The following SATB2 variants were observed in gnomAD, a reference collection of about 807,000 sequenced individuals.
The protein encoded by SATB2 is DNA-binding protein SATB2.
A neutral mutation model predicts 73.4 loss-of-function variants in SATB2; 1 was observed. That is an observed-to-expected ratio of 0.01 (90% CI 0.00 to 0.06). The LOEUF (loss-of-function observed/expected upper bound fraction) is 0.06, where lower values mean the gene tolerates loss of function less well. Among genes scored for constraint, SATB2 ranks in the 10% least tolerant of loss-of-function variants. SATB2 has a pLI of 1.00. For synonymous variants in SATB2, 397 were observed against 367.0 expected (o/e 1.08, Z -0.93); for missense variants, 459 against 945.8 (o/e 0.49, Z 6.75).
At chr2:199,399,284 T>G (rs1405033591) in intron 3 of SATB2, among the ~76,000 whole-genome samples, 1 of 152,004 alleles carries the variant, frequency 6.6e-6, no homozygotes, top group Non-Finnish European at 1.5e-5. Context: ...AAAAATAAAA[T>G]TTAATTTAAT....
intron 4 of SATB2, among the ~76,000 whole-genome samples, chr2:199,381,011 A>G (rs1038086977): frequency 1.3e-5 from 2 of 152,182 alleles, no homozygotes; most frequent in African/African-American, 4.8e-5. Flanking sequence ...AATTGCCCAA[A>G]AGGGGAAAAT....
intron 8 of SATB2, among the ~76,000 whole-genome samples, chr2:199,327,119 C>A (rs1032359834): frequency 6.6e-6 from 1 of 152,144 alleles, no homozygotes; most frequent in Non-Finnish European, 1.5e-5. Context: ...TGGTTTTGAA[C>A]CGCCCATTTT....
intron 3 of SATB2, among the ~76,000 whole-genome samples, chr2:199,387,566 C>T (rs190925989): frequency 2.6e-5 from 4 of 152,278 alleles, no homozygotes; most frequent in Middle Eastern, 3.4e-3. Flanking sequence ...TTAGAAAATG[C>T]TTGGTGTTGA....
intron 10 of SATB2, among the ~76,000 whole-genome samples, chr2:199,305,762 G>A (rs1426089335): frequency 6.6e-6 from 1 of 152,010 alleles, no homozygotes; most frequent in Non-Finnish European, 1.5e-5. Flanking sequence ...TTAATCTGGT[G>A]GGTAATTATG....
intron 3 of SATB2, among the ~76,000 whole-genome samples, chr2:199,402,582 G>C (rs12052310): frequency 0.14 from 21,075 of 152,140 alleles, 1,795 homozygotes; most frequent in East Asian, 0.45. Context: ...TAAAATATTT[G>C]ATCCATTATC....
chr2:199,462,122 C>T (rs1692489288), upstream of SATB2, among the ~76,000 whole-genome samples: 1 of 152,188 alleles, frequency 6.6e-6, no homozygotes, highest in Admixed American at 6.5e-5. This position sits in a 1 kb window ranked among gnomAD's most constrained non-coding sequence, Gnocchi z 5.9. Context: ...TTAAAGAGCC[C>T]TGGAAAGTTG....
In SATB2 at chr2:199,329,391, T is replaced by C. The variant is rs140577713; in HGVS notation, c.1174-481A>G. ...AAAAAAAACTGGCTGAATTTCTGTATGACCGGCCACTGTTTTCAATAGAGA... is the reference window on the plus strand; with the variant it reads ...AAAAAAAACTGGCTGAATTTCTGTACGACCGGCCACTGTTTTCAATAGAGA... On this transcript the variant is annotated intron_variant, in intron 7 of 10. Coordinates refer to ENST00000417098, the MANE Select transcript of SATB2 (RefSeq NM_001172509.2). 6.4e-5 allele frequency: 10 copies of C among 156,566 alleles called. No homozygotes were observed. In the East Asian group the frequency reaches 1.6e-3, roughly 25 times the overall value. 9.7% of individuals were successfully genotyped at this position (156,566 alleles called of 1,614,324 possible). A position where few individuals can be genotyped will look rare whatever the true frequency, so the allele number is the denominator to read the frequency against.
At chr2:199,392,782 A>T (rs1158546818) in intron 3 of SATB2, among the ~76,000 whole-genome samples, 2 of 152,212 alleles carry the variant, frequency 1.3e-5, no homozygotes, top group African/African-American at 2.4e-5. Flanking sequence ...GACTCACAAG[A>T]TGGTAATTAC....
rs1427163013 is a variant in SATB2, at chr2:199,270,793, T to C, written c.*1418A>G. On this transcript the variant is annotated 3_prime_UTR_variant, in exon 11 of 11. Transcript: ENST00000417098. ...TAGGTAACTGGGATAATGTTTTCTT[T>C]TAGGATGAGTAAGTGATTCTACTGA... 1 of 152,360 alleles carries C rather than the reference T, an allele frequency of 6.6e-6. No individual in the cohort carries two copies. The highest frequency in any genetic ancestry group is 1.5e-5 in the Non-Finnish European group (1 of 68,034). The allele number at this position is 152,360 out of a possible 1,614,324, so 9.4% of individuals were successfully genotyped here. A position where few individuals can be genotyped will look rare whatever the true frequency, so the allele number is the denominator to read the frequency against.
Position 199,409,650 on chromosome 2 carries a change from GTTTTTTTTGT to G in SATB2, c.346+23678_346+23687del, listed in dbSNP as rs759131316. 7.6e-4 allele frequency among the ~76,000 whole-genome samples: 111 copies of G among 146,680 alleles called. 1 individual carries two copies. Among genetic ancestry groups the G allele is most frequent in the African/African-American group, 2.1e-3 (84 of 39,904 alleles). ...CTTACTTTAAAAAAAACCAAGACAA[GTTTTTTTTGT>G]TTTTTTTTGTTTTTTTTTGTTTTCT... On this transcript the variant is annotated intron_variant, in intron 3 of 10. Coordinates refer to ENST00000417098, the MANE Select transcript of SATB2 (RefSeq NM_001172509.2).
At chr2:199,396,412 T>C (rs1468757231) in intron 3 of SATB2, 2 of 152,172 alleles carry the variant, frequency 1.3e-5, no homozygotes, top group Admixed American at 1.3e-4. Context: ...TATATAAACA[T>C]TCATTCTGGA....
intron 10 of SATB2, among the ~76,000 whole-genome samples, chr2:199,290,935 A>C (rs949867545): frequency 2.0e-5 from 3 of 152,240 alleles, no homozygotes; most frequent in Non-Finnish European, 4.4e-5. Flanking sequence ...GGAAACCTTT[A>C]AAAACAATGC....
chr2:199,368,636 C>A lies in SATB2; in HGVS notation c.669G>T (p.Gly223=). 1 of 1,609,480 alleles carries A rather than the reference C, an allele frequency of 6.2e-7. No individual in the cohort carries two copies. The highest frequency in any genetic ancestry group is 8.5e-7 in the Non-Finnish European group (1 of 1,176,102). The change falls in exon 6 of 11, where the codon GGG becomes GGT. Residue 223 remains glycine (G), a synonymous_variant. Transcript: ENST00000417098. ...NVSATKCQEF[G]RWYKKYKKIK... is the part of the protein sequence containing the mutation. The stretch of plus-strand genomic sequence containing the variant: ...TCTTCTTGTACTTTTTATACCATCT[C>A]CCAAACTCCTGGCACTTGGTTGCTG...
At chr2:199,405,420 A>G (rs1358456116) in intron 3 of SATB2, among the ~76,000 whole-genome samples, 1 of 152,170 alleles carries the variant, frequency 6.6e-6, no homozygotes, top group African/African-American at 2.4e-5. Flanking sequence ...AGGGGACCCA[A>G]TTCACTAGGT....
intron 9 of SATB2, among the ~76,000 whole-genome samples, chr2:199,310,081 T>C (rs999199554): frequency 3.3e-5 from 5 of 152,228 alleles, no homozygotes; most frequent in African/African-American, 1.2e-4. Context: ...GCTGTTCTCA[T>C]TGTGCAGCCT....
chr2:199,278,597 C>T (rs1692389318), intron 10 of SATB2, among the ~76,000 whole-genome samples: 1 of 152,292 alleles, frequency 6.6e-6, no homozygotes, highest in East Asian at 1.9e-4. Flanking sequence ...GAACTTCAAT[C>T]ATAAAATCTG....
At chr2:199,349,702 CACTT>C (rs1688757660) in intron 6 of SATB2, among the ~76,000 whole-genome samples, 1 of 152,140 alleles carries the variant, frequency 6.6e-6, no homozygotes, top group Non-Finnish European at 1.5e-5. Flanking sequence ...TTTATTGACT[CACTT>C]GCTATCTTTT....
chr2:199,363,723 A>G (rs1199088461), intron 6 of SATB2, among the ~76,000 whole-genome samples: 1 of 152,166 alleles, frequency 6.6e-6, no homozygotes, highest in Admixed American at 6.5e-5. Flanking sequence ...TGTATTAAAA[A>G]CCATACCATC....
rs369968479 is a variant in SATB2, at chr2:199,308,990, G to C, written c.1543-33C>G. 5.7e-6 allele frequency: 9 copies of C among 1,578,006 alleles called. No homozygotes were observed. Among genetic ancestry groups the C allele is most frequent in the Non-Finnish European group, 7.8e-6 (9 of 1,148,764 alleles). Reference sequence around the variant, plus strand: ...GAGAGGAGGTCGCTTGCATTAACCTGCAGAGTGTAGAGGAGCTGAGGGGGC... The same window carrying C: ...GAGAGGAGGTCGCTTGCATTAACCTCCAGAGTGTAGAGGAGCTGAGGGGGC... On this transcript the variant is annotated intron_variant, in intron 9 of 10. Transcript: ENST00000417098. The surrounding 1 kb of genome is among the most constrained non-coding windows in gnomAD (Gnocchi z 4.6).
Sources: allele counts gnomAD v4.1 joint callset (sites outside exome capture counted in the v4.1 genomes callset), GRCh38; gene constraint gnomAD v4.1.1; non-coding constraint Gnocchi (gnomAD v3.1); transcripts MANE v1.5; gene names NCBI Gene and HGNC (gene_info 2026-07-23, HGNC 2026-07-21).